Variants in HK1 observed in about 807,000 individuals in gnomAD.
HK1 encodes the protein hexokinase-1.
In HK1, 28 loss-of-function variants were observed where a neutral mutation model predicts 91.6. The ratio of observed to expected loss-of-function variants is 0.31; its 90% CI spans 0.23 to 0.42. The LOEUF (loss-of-function observed/expected upper bound fraction) is 0.42. Ranked by LOEUF, HK1 falls within the 10% of genes least tolerant of loss-of-function variation. The pLI is 1.00. For missense variants in HK1, 770 were observed against 1,219.8 expected, an observed-to-expected ratio of 0.63 and a Z score of 5.49; for synonymous variants, 430 against 468.1, an observed-to-expected ratio of 0.92 and a Z score of 1.05.
At chr10:69,338,269 C>A (rs547978646) in intron 1 of HK1, 1 of 1,169,512 alleles carries the variant, frequency 8.6e-7, no homozygotes, top group Non-Finnish European at 1.1e-6. Context: ...CTCTGGGCAG[C>A]GGTGGACAGA....
At chr10:69,340,799 G>C (rs373712337) in intron 1 of HK1, among the ~76,000 whole-genome samples, 1 of 152,140 alleles carries the variant, frequency 6.6e-6, no homozygotes, top group African/African-American at 2.4e-5. Context: ...CCCAAGGCTC[G>C]CTGTGCTGTG....
At chr10:69,286,280 T>C (rs1004902108) in intron 2 of HK1, among the ~76,000 whole-genome samples, 5 of 152,118 alleles carry the variant, frequency 3.3e-5, no homozygotes, top group Non-Finnish European at 7.4e-5. Context: ...GGAGAATCGC[T>C]TGAGCCCAGG....
At chr10:69,355,381 A>C (rs1339482367) in intron 2 of HK1, among the ~76,000 whole-genome samples, 1 of 152,252 alleles carries the variant, frequency 6.6e-6, no homozygotes, top group Non-Finnish European at 1.5e-5. Flanking sequence ...AACAAAGCTG[A>C]AGGAATTTCA....
At chr10:69,287,931 G>C (rs558402312) in intron 2 of HK1, among the ~76,000 whole-genome samples, 5 of 150,606 alleles carry the variant, frequency 3.3e-5, no homozygotes, top group Non-Finnish European at 7.4e-5. Context: ...TTGAGACCAG[G>C]GGTTCAAGAC....
At chr10:69,281,173 T>C (rs1344002593) in intron 1 of HK1, among the ~76,000 whole-genome samples, 1 of 152,154 alleles carries the variant, frequency 6.6e-6, no homozygotes, top group Non-Finnish European at 1.5e-5. Context: ...GGTCACAGAA[T>C]CACCAGGAGG....
chr10:69,321,708 C>T (rs1166748591), intron 1 of HK1, among the ~76,000 whole-genome samples: 1 of 152,244 alleles, frequency 6.6e-6, no homozygotes, highest in Non-Finnish European at 1.5e-5. Flanking sequence ...TTTCTTTCTT[C>T]ATTGCCTATG....
At chr10:69,271,637 C>T (rs1844174167) in intron 1 of HK1, among the ~76,000 whole-genome samples, 1 of 151,840 alleles carries the variant, frequency 6.6e-6, no homozygotes, top group African/African-American at 2.4e-5. Context: ...CCCACCACGC[C>T]CGGCTAATTT....
intron 9 of HK1, among the ~76,000 whole-genome samples, chr10:69,381,876 G>A (rs896272706): frequency 1.4e-4 from 21 of 152,150 alleles, no homozygotes; most frequent in African/African-American, 4.8e-4. Flanking sequence ...TTTGAACACC[G>A]TGCTTTTGAC....
At chr10:69,379,245 T>C (rs1359319459) in intron 8 of HK1, among the ~76,000 whole-genome samples, 2 of 152,208 alleles carry the variant, frequency 1.3e-5, no homozygotes, top group Non-Finnish European at 2.9e-5. Flanking sequence ...ATGTACATAT[T>C]TTAAAACACA....
In HK1 at chr10:69,389,306, C is replaced by T; in HGVS notation, c.2035+10C>T. 1 of 1,588,432 alleles carries T rather than the reference C, an allele frequency of 6.3e-7. No individual in the cohort carries two copies. The highest frequency in any genetic ancestry group is 8.6e-7 in the Non-Finnish European group (1 of 1,162,284). On this transcript the variant is annotated intron_variant, in intron 14 of 17. Transcript: ENST00000359426. Reference sequence around the variant, plus strand: ...GTTGGACTCATTGTTGGTGAGTGTCCTGGAAGGTCTCTTTCCCTGCAGAAG... The same window carrying T: ...GTTGGACTCATTGTTGGTGAGTGTCTTGGAAGGTCTCTTTCCCTGCAGAAG...
At chr10:69,297,071 A>C (rs1471174920) in intron 4 of HK1, among the ~76,000 whole-genome samples, 1 of 152,180 alleles carries the variant, frequency 6.6e-6, no homozygotes, top group Non-Finnish European at 1.5e-5. Flanking sequence ...GAAAATCCAT[A>C]TATAACTTTC....
chr10:69,304,457 G>A (rs537096731), intron 5 of HK1, among the ~76,000 whole-genome samples: 184 of 152,090 alleles, frequency 1.2e-3, no homozygotes, highest in African/African-American at 3.2e-3. Context: ...ACTGGCGCCC[G>A]CCACCACACC....
At chr10:69,276,089 TC>T (rs1311370769) in intron 1 of HK1, among the ~76,000 whole-genome samples, 97 of 14,400 alleles carry the variant, frequency 6.7e-3, no homozygotes, top group African/African-American at 0.025. Flanking sequence ...AAACTCCTTT[TC>T]AAAAAAAAAA....
intron 7 of HK1, among the ~76,000 whole-genome samples, chr10:69,370,363 A>C (rs963987341): frequency 1.3e-5 from 2 of 152,148 alleles, no homozygotes; most frequent in Admixed American, 6.5e-5. Context: ...CCCCTGCTGC[A>C]TGAAAATTAA....
intron 2 of HK1, among the ~76,000 whole-genome samples, chr10:69,353,793 G>A (rs1267302651): frequency 6.6e-6 from 1 of 152,118 alleles, no homozygotes; most frequent in Non-Finnish European, 1.5e-5. Flanking sequence ...TTCTTCATCT[G>A]TATTTATTGT....
At chr10:69,343,219 A>G (rs11597418) in intron 1 of HK1, among the ~76,000 whole-genome samples, 12,718 of 152,266 alleles carry the variant, frequency 0.084, 678 homozygotes, top group African/African-American at 0.15. Flanking sequence ...AGTCTTGCCC[A>G]TGGACACCTG....
chr10:69,291,884 G>T (rs1441085993), intron 3 of HK1, among the ~76,000 whole-genome samples: 2 of 152,116 alleles, frequency 1.3e-5, no homozygotes, highest in Non-Finnish European at 1.5e-5. Flanking sequence ...ATGTAGGCTT[G>T]GAAGTATCTG....
rs768283836 is a variant in HK1 at position 69,398,702 on chromosome 10, G to A, written c.2483G>A (p.Arg828Lys). ...AAGACAGTGTGCGGGGTGGTGTCCAGGAGGGCCGCACAGCTGTGTGGCGCA... is the reference window on the plus strand; with the variant it reads ...AAGACAGTGTGCGGGGTGGTGTCCAAGAGGGCCGCACAGCTGTGTGGCGCA... ...LVKTVCGVVS[R>K]RAAQLCGAGM... Residue 828 changes from arginine to lysine, a missense_variant, in exon 17 of 18, where the codon AGG (arginine) becomes AAG (lysine). By Grantham distance (26) the Arg-to-Lys change is conservative. Coordinates refer to ENST00000359426, the MANE Select transcript of HK1 (RefSeq NM_000188.3). 1.9e-6 allele frequency: 3 copies of A among 1,614,238 alleles called. No homozygotes were observed. In the South Asian group the frequency reaches 3.3e-5, roughly 18 times the overall value.
At chr10:69,375,767 C>T (rs998005435) in intron 7 of HK1, among the ~76,000 whole-genome samples, 1 of 152,188 alleles carries the variant, frequency 6.6e-6, no homozygotes, top group African/African-American at 2.4e-5. Context: ...CCTGGCCCCT[C>T]GTCAGCCAGG....
Sources: gnomAD v4.1 joint callset for allele counts (sites outside exome capture counted in the v4.1 genomes callset) on GRCh38, gnomAD v4.1.1 for gene constraint, MANE v1.5 for transcripts, NCBI Gene and HGNC (gene_info 2026-07-23, HGNC 2026-07-21) for gene names.